The following SNX29 variants were observed in gnomAD, a reference collection of about 807,000 sequenced individuals.
SNX29 encodes the protein sorting nexin-29.
A neutral mutation model predicts 102.1 loss-of-function variants in SNX29; 78 were observed. The observed-to-expected ratio is 0.76, with a 90% confidence interval of 0.64 to 0.92. SNX29 has a LOEUF of 0.92. SNX29 is among the 40% of genes least tolerant of loss of function. SNX29 has a pLI of 0.00. For missense variants in SNX29, 1,280 were observed against 1,061.7 expected (o/e 1.21, Z -2.86); for synonymous variants, 580 against 414.5 (o/e 1.40, Z -4.85).
intron 18 of SNX29, among the ~76,000 whole-genome samples, chr16:12,416,145 T>C (rs1023579411): frequency 1.3e-5 from 2 of 152,182 alleles, no homozygotes; most frequent in African/African-American, 4.8e-5. Context: ...CTGGGCAGGC[T>C]GTGCTCTGTT....
At chr16:12,059,000 C>T (rs1035974463) in intron 8 of SNX29, among the ~76,000 whole-genome samples, 4 of 151,846 alleles carry the variant, frequency 2.6e-5, no homozygotes, top group African/African-American at 9.7e-5. Flanking sequence ...AACTCTTGGG[C>T]TCAAGTGATC....
intron 14 of SNX29, among the ~76,000 whole-genome samples, chr16:12,249,085 C>T (rs1440606166): frequency 6.6e-6 from 1 of 152,140 alleles, no homozygotes; most frequent in African/African-American, 2.4e-5. Flanking sequence ...TAAAACAACT[C>T]CGATTTTGGT....
At chr16:12,040,556 C>T (rs181622843) in intron 4 of SNX29, among the ~76,000 whole-genome samples, 54 of 152,142 alleles carry the variant, frequency 3.5e-4, no homozygotes, top group African/African-American at 8.7e-4. Flanking sequence ...CTGAGTAATT[C>T]GACATGTGGA....
intron 13 of SNX29, among the ~76,000 whole-genome samples, chr16:12,144,399 A>G (rs2054975436): frequency 6.6e-6 from 1 of 152,250 alleles, no homozygotes; most frequent in African/African-American, 2.4e-5. Flanking sequence ...TTGTCCCTCT[A>G]AAACTCATGT....
chr16:12,028,114 G>T (rs564811568), intron 4 of SNX29, among the ~76,000 whole-genome samples: 3 of 152,168 alleles, frequency 2.0e-5, no homozygotes, highest in Admixed American at 1.3e-4. Context: ...TGAGCTTTCA[G>T]TTCCAGCCCT....
At chr16:12,565,772 A>G (rs886789758) in intron 20 of SNX29, among the ~76,000 whole-genome samples, 13 of 151,172 alleles carry the variant, frequency 8.6e-5, no homozygotes, top group Non-Finnish European at 1.3e-4. Flanking sequence ...ACCTTTTTTC[A>G]TTTTCACATC....
chr16:12,059,035 C>G (rs1183259015), intron 8 of SNX29, among the ~76,000 whole-genome samples: 1 of 152,018 alleles, frequency 6.6e-6, no homozygotes, highest in Non-Finnish European at 1.5e-5. Flanking sequence ...TCCCAAAGTA[C>G]CGGAATTATA....
At chr16:12,147,607 A>AT (rs2055117781) in intron 13 of SNX29, among the ~76,000 whole-genome samples, 1 of 152,196 alleles carries the variant, frequency 6.6e-6, no homozygotes, top group Non-Finnish European at 1.5e-5. Context: ...CTTCCGAGAA[A>AT]TGGTTGGAAT....
chr16:12,503,303 A>G (rs371230125), intron 19 of SNX29, among the ~76,000 whole-genome samples: 1 of 152,130 alleles, frequency 6.6e-6, no homozygotes, highest in Non-Finnish European at 1.5e-5. Flanking sequence ...AGAGAATAAC[A>G]TAGCTCGTGT....
chr16:12,537,796 C>A (rs143824658), intron 20 of SNX29, among the ~76,000 whole-genome samples: 1 of 151,990 alleles, frequency 6.6e-6, no homozygotes, highest in African/African-American at 2.4e-5. Context: ...AAAATATCTC[C>A]TATATCAGAG....
intron 13 of SNX29, among the ~76,000 whole-genome samples, chr16:12,155,894 A>G (rs866960927): frequency 6.6e-6 from 1 of 152,318 alleles, no homozygotes; most frequent in Middle Eastern, 3.4e-3. Flanking sequence ...CCTCTGCTCA[A>G]GATCCTGCAG....
intron 14 of SNX29, among the ~76,000 whole-genome samples, chr16:12,206,738 A>T (rs750351956): frequency 1.3e-5 from 2 of 150,978 alleles, no homozygotes; most frequent in Non-Finnish European, 3.0e-5. Flanking sequence ...CTTTTAATGG[A>T]GTCACCTGGG....
At chr16:12,362,438 A>G (rs912743148) in intron 16 of SNX29, among the ~76,000 whole-genome samples, 2 of 152,130 alleles carry the variant, frequency 1.3e-5, no homozygotes, top group African/African-American at 2.4e-5. Context: ...TTGAGGCTCA[A>G]AATCCTTTCA....
At position 12,473,176 on chromosome 16, in the gene SNX29, A is replaced by G. The variant is rs538383361; in HGVS notation, c.2038-4543A>G. ...CTGAAATCCTTAGTGAAATAAGTCC[A>G]TGATTTAGTTAAGTATATGTAATTC... On this transcript the variant is annotated intron_variant, in intron 18 of 20. Coordinates refer to ENST00000566228, the MANE Select transcript of SNX29 (RefSeq NM_032167.5). 1.4e-4 allele frequency among the ~76,000 whole-genome samples: 21 copies of G among 152,336 alleles called. No homozygotes were observed. The East Asian group carries it at 3.7e-3, about 27-fold the overall frequency.
At chr16:12,228,619 A>T (rs1376781228) in intron 14 of SNX29, among the ~76,000 whole-genome samples, 2 of 152,222 alleles carry the variant, frequency 1.3e-5, no homozygotes, top group Non-Finnish European at 2.9e-5. Context: ...ATGACTTGCA[A>T]AACCCTGCCT....
intron 16 of SNX29, among the ~76,000 whole-genome samples, chr16:12,357,193 C>G (rs1198586198): frequency 2.0e-5 from 3 of 152,192 alleles, no homozygotes; most frequent in Non-Finnish European, 4.4e-5. Context: ...AATGCACGCT[C>G]ATATATCCTT....
chr16:12,033,148 C>T (rs924465382), intron 4 of SNX29, among the ~76,000 whole-genome samples: 4 of 152,162 alleles, frequency 2.6e-5, no homozygotes, highest in African/African-American at 9.7e-5. Flanking sequence ...AGCCACTGTG[C>T]CCGGCCAATG....
chr16:12,548,888 A>C (rs1262445019), intron 20 of SNX29, among the ~76,000 whole-genome samples: 1 of 152,194 alleles, frequency 6.6e-6, no homozygotes, highest in Non-Finnish European at 1.5e-5. Context: ...AACCCTACAC[A>C]TAGCAGCACT....
Position 12,385,790 on chromosome 16 carries a change from G to A in SNX29, c.1900-12656G>A, listed in dbSNP as rs141991692. Among the ~76,000 whole-genome samples the A allele has an allele frequency of 4.2e-3, 640 of 152,322 alleles. 4 individuals are homozygous for A. Among genetic ancestry groups the A allele is most frequent in the African/African-American group, 0.015 (617 of 41,574 alleles). Reference sequence around the variant, plus strand: ...TTGGCTTCCTTTTTCAAGTAACTCTGTAGGGTTTTCCCACATAACAGATAC... The same window carrying A: ...TTGGCTTCCTTTTTCAAGTAACTCTATAGGGTTTTCCCACATAACAGATAC... On this transcript the variant is annotated intron_variant, in intron 16 of 20. Transcript: ENST00000566228.
Sources: gnomAD v4.1 joint callset for allele counts (sites outside exome capture counted in the v4.1 genomes callset) on GRCh38, gnomAD v4.1.1 for gene constraint, MANE v1.5 for transcripts, NCBI Gene and HGNC (gene_info 2026-07-23, HGNC 2026-07-21) for gene names.